SLC4A4: variants seen among roughly 807,000 people sequenced by gnomAD.
SLC4A4 encodes solute carrier family 4 member 4, also known as electrogenic sodium bicarbonate cotransporter 1.
A neutral mutation model predicts 111.5 loss-of-function variants in SLC4A4; 27 were observed. That is an observed-to-expected ratio of 0.24 (90% CI 0.18 to 0.33). The LOEUF (loss-of-function observed/expected upper bound fraction) is 0.33. Among genes scored for constraint, SLC4A4 ranks in the 10% least tolerant of loss-of-function variants. The pLI is 1.00. For missense variants in SLC4A4, 909 were observed against 1,315.5 expected (o/e 0.69, Z 4.78); for synonymous variants, 443 against 463.4 (o/e 0.96, Z 0.57).
chr4:71,241,383 T>G (rs1720209085), intron 2 of SLC4A4, among the ~76,000 whole-genome samples: 1 of 152,116 alleles, frequency 6.6e-6, no homozygotes, highest in Non-Finnish European at 1.5e-5. Context: ...GTGGCTTTTG[T>G]CTTTTTGGAA....
intron 16 of SLC4A4, among the ~76,000 whole-genome samples, chr4:71,500,566 C>T (rs1396991203): frequency 1.3e-5 from 2 of 152,178 alleles, no homozygotes; most frequent in Non-Finnish European, 2.9e-5. Flanking sequence ...GTGACCCACT[C>T]GCCTTGGCCT....
intron 1 of SLC4A4, among the ~76,000 whole-genome samples, chr4:71,072,881 C>T (rs1340852206): frequency 1.3e-5 from 2 of 152,050 alleles, no homozygotes; most frequent in African/African-American, 4.8e-5. Flanking sequence ...GATCCTCCCA[C>T]CTCAATCTCC....
intron 3 of SLC4A4, among the ~76,000 whole-genome samples, chr4:71,269,879 T>A (rs1357871479): frequency 6.6e-6 from 1 of 152,204 alleles, no homozygotes; most frequent in Non-Finnish European, 1.5e-5. Context: ...GGGCAAGTAA[T>A]TTGACTGCTC....
chr4:71,475,518 C>T (rs1284224398), intron 14 of SLC4A4, among the ~76,000 whole-genome samples: 1 of 151,788 alleles, frequency 6.6e-6, no homozygotes, highest in Admixed American at 6.6e-5. Flanking sequence ...TTTTCCCAGG[C>T]TGTGTAAAAA....
chr4:71,131,044 C>A (rs1299912458), intron 2 of SLC4A4, among the ~76,000 whole-genome samples: 1 of 152,170 alleles, frequency 6.6e-6, no homozygotes, highest in Non-Finnish European at 1.5e-5. Context: ...GAATCTCAAA[C>A]TATGACACTA....
intron 1 of SLC4A4, among the ~76,000 whole-genome samples, chr4:71,070,813 C>T (rs1261840471): frequency 1.3e-5 from 2 of 152,116 alleles, no homozygotes; most frequent in Non-Finnish European, 2.9e-5. Context: ...GACTTTTAAA[C>T]CTTGGTGCTA....
chr4:71,496,108 T>C (rs1242325380), intron 15 of SLC4A4, among the ~76,000 whole-genome samples: 2 of 152,116 alleles, frequency 1.3e-5, no homozygotes, highest in African/African-American at 4.8e-5. Flanking sequence ...GCTTGTCACA[T>C]AAAATGTTCA....
chr4:71,108,721 T>C (rs1560724024), intron 2 of SLC4A4, among the ~76,000 whole-genome samples: 2 of 152,206 alleles, frequency 1.3e-5, no homozygotes, highest in African/African-American at 4.8e-5. Flanking sequence ...TTTCTTCAAC[T>C]GTTCTTCCAA....
At chr4:71,542,235 T>TA (rs904154699) in intron 18 of SLC4A4, among the ~76,000 whole-genome samples, 35 of 152,272 alleles carry the variant, frequency 2.3e-4, no homozygotes, top group African/African-American at 8.2e-4. Context: ...ATCACTTTTT[T>TA]ATCTTTGACC....
At chr4:71,417,825 A>C (rs1203184035) in intron 7 of SLC4A4, among the ~76,000 whole-genome samples, 2 of 152,190 alleles carry the variant, frequency 1.3e-5, no homozygotes, top group Non-Finnish European at 2.9e-5. Flanking sequence ...AGGTAGTAAA[A>C]TCTATTCCTC....
chr4:71,558,368 G>A (rs1480741896), intron 22 of SLC4A4, among the ~76,000 whole-genome samples: 1 of 151,956 alleles, frequency 6.6e-6, no homozygotes, highest in Non-Finnish European at 1.5e-5. Flanking sequence ...AGGAAATGGA[G>A]TGAGAAGTTC....
intron 17 of SLC4A4, among the ~76,000 whole-genome samples, chr4:71,533,863 A>C (rs1231784916): frequency 1.3e-5 from 2 of 151,888 alleles, no homozygotes; most frequent in Non-Finnish European, 2.9e-5. Flanking sequence ...TTTACCTTTT[A>C]CTTTTTACTT....
At chr4:71,072,195 A>C (rs1055546105) in intron 1 of SLC4A4, among the ~76,000 whole-genome samples, 17 of 152,132 alleles carry the variant, frequency 1.1e-4, no homozygotes, top group Non-Finnish European at 5.9e-5. Context: ...TCCTATTTCT[A>C]ATGCTTTATG....
At chr4:71,389,972 C>T (rs1719111385) in intron 6 of SLC4A4, among the ~76,000 whole-genome samples, 1 of 152,118 alleles carries the variant, frequency 6.6e-6, no homozygotes, top group Non-Finnish European at 1.5e-5. Flanking sequence ...TATGAAATTC[C>T]TCCAAAGGGC....
chr4:71,376,590 A>T (rs1366989584), intron 6 of SLC4A4, among the ~76,000 whole-genome samples: 1 of 148,132 alleles, frequency 6.8e-6, no homozygotes, highest in Non-Finnish European at 1.5e-5. Context: ...ATATATATTT[A>T]AAATATATAT....
At chr4:71,353,726 T>C (rs1730049350) in intron 5 of SLC4A4, among the ~76,000 whole-genome samples, 1 of 152,122 alleles carries the variant, frequency 6.6e-6, no homozygotes, top group Non-Finnish European at 1.5e-5. Context: ...CGCACCCCAA[T>C]TTTATATCAA....
At chr4:71,201,025 G>A (rs1746224779) in intron 1 of SLC4A4, among the ~76,000 whole-genome samples, 1 of 152,212 alleles carries the variant, frequency 6.6e-6, no homozygotes, top group African/African-American at 2.4e-5. Flanking sequence ...TGCGAGTTAA[G>A]AGCATGAGCT....
intron 7 of SLC4A4, among the ~76,000 whole-genome samples, chr4:71,409,994 CGAG>C (rs1721217950): frequency 6.6e-6 from 1 of 152,174 alleles, no homozygotes; most frequent in African/African-American, 2.4e-5. Flanking sequence ...GTTGAGCCTG[CGAG>C]CGCACAGAAG....
At position 71,357,050 on chromosome 4, in the gene SLC4A4, C is replaced by T. The variant is rs1730347316; in HGVS notation, c.593C>T (p.Pro198Leu). Residue 198 changes from proline to leucine, a missense_variant, in exon 6 of 26, where the codon CCT (proline) becomes CTT (leucine). Physicochemically the swap from Pro to Leu is moderately conservative, Grantham distance 98. Around this residue, in one of 7 missense-constraint regions of SLC4A4, gnomAD observed 312 missense variants for 402.0 expected, o/e 0.78. Coordinates refer to ENST00000264485, the MANE Select transcript of SLC4A4 (RefSeq NM_001098484.3). ...CAGATTGAGACAGGCCTATTGAAAC[C>T]TGAACTTAAGGATAAGGTGACCTAT... ...DHQIETGLLK[P>L]ELKDKVTYTL... The T allele has an allele frequency of 6.2e-7, 1 of 1,613,954 alleles. No homozygotes were observed. The highest frequency in any genetic ancestry group is 1.1e-5 in the South Asian group (1 of 91,082).
Sources: gnomAD v4.1 joint callset for allele counts (sites outside exome capture counted in the v4.1 genomes callset) on GRCh38, gnomAD v4.1.1 for gene constraint, gnomAD v4.1.1 regional missense constraint, MANE v1.5 for transcripts, NCBI Gene and HGNC (gene_info 2026-07-23, HGNC 2026-07-21) for gene names.